Variants in RPH3A observed in about 807,000 individuals in gnomAD.
RPH3A encodes the protein rabphilin 3A.
RPH3A carries 48 observed loss-of-function variants against 102.2 expected under a neutral mutation model. That is an observed-to-expected ratio of 0.47 (90% CI 0.37 to 0.60). The LOEUF is 0.60. Ranked by LOEUF, RPH3A falls within the 20% of genes least tolerant of loss-of-function variation. RPH3A has a pLI of 0.00. For missense variants in RPH3A, 781 were observed against 910.1 expected, an observed-to-expected ratio of 0.86 and a Z score of 1.83; for synonymous variants, 310 against 324.3, an observed-to-expected ratio of 0.96 and a Z score of 0.47.
At chr12:112,850,426 C>T (rs1354961521) in intron 5 of RPH3A, among the ~76,000 whole-genome samples, 1 of 152,100 alleles carries the variant, frequency 6.6e-6, no homozygotes, top group East Asian at 1.9e-4. Flanking sequence ...GAAATTCTAG[C>T]AGCCCCTGGC....
At chr12:112,724,884 G>A (rs1199307896) in intron 1 of RPH3A, among the ~76,000 whole-genome samples, 3 of 152,004 alleles carry the variant, frequency 2.0e-5, no homozygotes, top group South Asian at 2.1e-4. Context: ...CAGGAGAATC[G>A]TCTGAACCTG....
rs536544482 is a variant in RPH3A, at chr12:112,890,422, T to C, written c.1620+342T>C. Among the ~76,000 whole-genome samples, 15 of 152,314 alleles carry C rather than the reference T, an allele frequency of 9.8e-5. No individual in the cohort carries two copies. In the South Asian group the frequency reaches 3.1e-3, roughly 32 times the overall value. On this transcript the variant is annotated intron_variant, in intron 18 of 21. Transcript: ENST00000389385. ...GCTGTGTGCATGGCAGAAACTGAAC[T>C]AAGCCTTCATGCTGTCTGCCTGGGT...
chr12:112,688,192 A>C (rs1417959455), intron 1 of RPH3A, among the ~76,000 whole-genome samples: 1 of 152,218 alleles, frequency 6.6e-6, no homozygotes, highest in African/African-American at 2.4e-5. Context: ...TACAGATAGG[A>C]AATTTTTGAA....
At chr12:112,729,746 T>C (rs1203968221) in intron 1 of RPH3A, among the ~76,000 whole-genome samples, 2 of 152,230 alleles carry the variant, frequency 1.3e-5, no homozygotes, top group Admixed American at 6.5e-5. Context: ...TTGCTTTCCA[T>C]TGTGATTCTG....
chr12:112,824,731 G>C (rs1325596150), intron 2 of RPH3A, among the ~76,000 whole-genome samples: 1 of 152,190 alleles, frequency 6.6e-6, no homozygotes, highest in Non-Finnish European at 1.5e-5. Flanking sequence ...TTCTGGCCTG[G>C]AGGGATGGAG....
intron 13 of RPH3A, among the ~76,000 whole-genome samples, chr12:112,878,094 C>G (rs1016397170): frequency 5.3e-5 from 8 of 152,318 alleles, no homozygotes; most frequent in African/African-American, 1.2e-4. Flanking sequence ...TCAGCTGTCC[C>G]CCTTCGTGCC....
chr12:112,699,111 G>A (rs775202685), intron 1 of RPH3A, among the ~76,000 whole-genome samples: 1 of 152,096 alleles, frequency 6.6e-6, no homozygotes, highest in Admixed American at 6.5e-5. Flanking sequence ...TCTAGAGATG[G>A]GGTTTCACCA....
At chr12:112,602,846 T>C (rs2039568997) in intron 1 of RPH3A, among the ~76,000 whole-genome samples, 1 of 152,120 alleles carries the variant, frequency 6.6e-6, no homozygotes, top group African/African-American at 2.4e-5. Flanking sequence ...AAATATCTTT[T>C]CTTTCCATCT....
intron 1 of RPH3A, among the ~76,000 whole-genome samples, chr12:112,696,197 T>C (rs1470017844): frequency 6.6e-6 from 1 of 152,244 alleles, no homozygotes; most frequent in Non-Finnish European, 1.5e-5. Flanking sequence ...TAATATTCCA[T>C]GGTGTATATA....
intron 2 of RPH3A, among the ~76,000 whole-genome samples, chr12:112,826,967 T>C (rs2041887713): frequency 1.3e-5 from 2 of 152,208 alleles, no homozygotes; most frequent in African/African-American, 4.8e-5. Flanking sequence ...CTCAGGTATA[T>C]ACCTGAGTAG....
chr12:112,688,167 A>G (rs371442205), intron 1 of RPH3A, among the ~76,000 whole-genome samples: 11 of 152,214 alleles, frequency 7.2e-5, no homozygotes, highest in East Asian at 5.8e-4. Flanking sequence ...GAACTGAAGG[A>G]CAGACACTTC....
intron 1 of RPH3A, among the ~76,000 whole-genome samples, chr12:112,580,552 C>T (rs1200275186): frequency 6.6e-6 from 1 of 151,838 alleles, no homozygotes; most frequent in Non-Finnish European, 1.5e-5. Flanking sequence ...CACCGGCGCC[C>T]GCCACCACGC....
At chr12:112,691,029 A>C (rs1592945467) in intron 1 of RPH3A, among the ~76,000 whole-genome samples, 1 of 149,694 alleles carries the variant, frequency 6.7e-6, no homozygotes. Context: ...TATCATGACC[A>C]TCTTTTTTTT....
chr12:112,580,930 T>C (rs969465038), intron 1 of RPH3A, among the ~76,000 whole-genome samples: 1 of 152,172 alleles, frequency 6.6e-6, no homozygotes, highest in African/African-American at 2.4e-5. Context: ...CATTCAAAAT[T>C]AACTTTTCTT....
At chr12:112,812,680 TCTCTCTCTTCCCCTCTCTCC>T (rs1219989901) in intron 2 of RPH3A, among the ~76,000 whole-genome samples, 2 of 151,030 alleles carry the variant, frequency 1.3e-5, no homozygotes, top group African/African-American at 2.5e-5. Flanking sequence ...TCTCTCTCTC[TCTCTCTCTTCCCCTCTCTCC>T]CTCTCTCCCT....
chr12:112,753,487 A>T (rs2040799469), intron 1 of RPH3A, among the ~76,000 whole-genome samples: 1 of 152,170 alleles, frequency 6.6e-6, no homozygotes, highest in South Asian at 2.1e-4. Flanking sequence ...GCAGAGGGTG[A>T]TGGGTGCTGA....
At chr12:112,824,069 A>G (rs1398621848) in intron 2 of RPH3A, among the ~76,000 whole-genome samples, 1 of 152,166 alleles carries the variant, frequency 6.6e-6, no homozygotes, top group African/African-American at 2.4e-5. Context: ...GCATTCTTGT[A>G]CTAGTGATGG....
chr12:112,761,922 C>G (rs1169232690), intron 1 of RPH3A, among the ~76,000 whole-genome samples: 1 of 152,192 alleles, frequency 6.6e-6, no homozygotes, highest in Admixed American at 6.5e-5. Flanking sequence ...ACTCCACAAA[C>G]TGCTTGGGTT....
intron 4 of RPH3A, among the ~76,000 whole-genome samples, chr12:112,846,016 T>G (rs969212071): frequency 3.9e-4 from 59 of 152,034 alleles, no homozygotes; most frequent in African/African-American, 1.4e-3. Flanking sequence ...CATTTAAGAT[T>G]GAGCAGAGAG....
Sources: allele counts gnomAD v4.1 joint callset (sites outside exome capture counted in the v4.1 genomes callset), GRCh38; gene constraint gnomAD v4.1.1; transcripts MANE v1.5; gene names NCBI Gene and HGNC (gene_info 2026-07-23, HGNC 2026-07-21).